The following WNK2 variants were observed in gnomAD, a reference collection of about 807,000 sequenced individuals.
WNK2 encodes serine/threonine-protein kinase WNK2.
WNK2 carries 67 observed loss-of-function variants against 192.1 expected under a neutral mutation model. The ratio of observed to expected loss-of-function variants is 0.35; its 90% CI spans 0.29 to 0.43. The LOEUF (loss-of-function observed/expected upper bound fraction) is 0.43. WNK2 is among the 20% of genes least tolerant of loss of function. The pLI is 1.00. For synonymous variants in WNK2, 1,439 were observed against 1,393.9 expected (o/e 1.03, Z -0.72); for missense variants, 2,698 against 3,089.7 (o/e 0.87, Z 3.01).
chr9:93,279,182 T>C (rs1847368107), intron 19 of WNK2, among the ~76,000 whole-genome samples: 1 of 152,180 alleles, frequency 6.6e-6, no homozygotes, highest in Non-Finnish European at 1.5e-5. Context: ...ACTGAACCCA[T>C]CTTTATTTGC....
chr9:93,309,171 TTTAG>T (rs761235826), intron 28 of WNK2: 10 of 973,250 alleles, frequency 1.0e-5, no homozygotes, highest in Non-Finnish European at 1.2e-5. Flanking sequence ...ATCTCAAATA[TTTAG>T]TAAAGGTCAT....
chr9:93,207,684 ACTGT>A (rs982935959), intron 2 of WNK2, among the ~76,000 whole-genome samples: 1 of 152,252 alleles, frequency 6.6e-6, no homozygotes, highest in Non-Finnish European at 1.5e-5. Flanking sequence ...AAATAGCCTC[ACTGT>A]CAGTGCTCTG....
At chr9:93,238,761 A>G (rs1269789955) in intron 6 of WNK2, among the ~76,000 whole-genome samples, 1 of 152,138 alleles carries the variant, frequency 6.6e-6, no homozygotes, top group Non-Finnish European at 1.5e-5. Context: ...CCTGACGTGT[A>G]TTTCATGGAC....
At chr9:93,305,679 C>T (rs1291266512) in intron 26 of WNK2, among the ~76,000 whole-genome samples, 1 of 152,230 alleles carries the variant, frequency 6.6e-6, no homozygotes, top group African/African-American at 2.4e-5. Context: ...CCCGCTGTCC[C>T]CCGAGGCAGG....
intron 2 of WNK2, among the ~76,000 whole-genome samples, chr9:93,213,159 T>C (rs1374237589): frequency 1.3e-5 from 2 of 152,148 alleles, no homozygotes; most frequent in African/African-American, 4.8e-5. Flanking sequence ...CAGAGTAGAT[T>C]GGAGCAACAA....
chr9:93,211,143 CACTTATTCA>C (rs1563996414), intron 2 of WNK2, among the ~76,000 whole-genome samples: 2 of 151,754 alleles, frequency 1.3e-5, no homozygotes, highest in African/African-American at 4.9e-5. Flanking sequence ...CTCATCCACT[CACTTATTCA>C]CTCACAGATT....
intron 8 of WNK2, among the ~76,000 whole-genome samples, chr9:93,252,035 A>G (rs993314041): frequency 7.2e-5 from 11 of 152,214 alleles, no homozygotes; most frequent in African/African-American, 2.7e-4. Flanking sequence ...CCTCGCGAAA[A>G]TAGTGTGGCG....
intron 20 of WNK2, 93 bp from the exon 21 acceptor site, chr9:93,289,885 C>A: frequency 7.6e-7 from 1 of 1,309,854 alleles, no homozygotes; most frequent in Non-Finnish European, 1.1e-6. Context: ...CCAGGGGCAG[C>A]TTGAGATGAG....
chr9:93,295,017 T>C (rs908280183), intron 23 of WNK2, among the ~76,000 whole-genome samples: 3 of 152,190 alleles, frequency 2.0e-5, no homozygotes, highest in Non-Finnish European at 2.9e-5. Flanking sequence ...CCGAGGTGCC[T>C]GTGCCTCATT....
At chr9:93,309,555 G>A (rs1206845477) in intron 28 of WNK2, among the ~76,000 whole-genome samples, 1 of 152,158 alleles carries the variant, frequency 6.6e-6, no homozygotes, top group Non-Finnish European at 1.5e-5. Flanking sequence ...AGGATTTACA[G>A]TGATGTCCTG....
At chr9:93,268,526 T>G in intron 18 of WNK2, 101 bp from the exon 19 acceptor site, 1 of 1,527,130 alleles carries the variant, frequency 6.5e-7, no homozygotes, top group Non-Finnish European at 8.9e-7. Context: ...GTAAAGGAGT[T>G]CACAGACCCA....
At chr9:93,213,733 A>G (rs976100135) in intron 2 of WNK2, among the ~76,000 whole-genome samples, 6 of 151,956 alleles carry the variant, frequency 3.9e-5, no homozygotes, top group East Asian at 1.9e-4. Context: ...AGGTTGCAGT[A>G]AGCCGAGATC....
chr9:93,296,413 C>T (rs139294805), intron 23 of WNK2, among the ~76,000 whole-genome samples: 2 of 14,692 alleles, frequency 1.4e-4, no homozygotes, highest in Non-Finnish European at 1.5e-4. Flanking sequence ...ACCTTCCTCC[C>T]CCTCCATCCT....
intron 19 of WNK2, among the ~76,000 whole-genome samples, chr9:93,276,640 C>G (rs565441201): frequency 6.6e-5 from 10 of 152,292 alleles, no homozygotes; most frequent in African/African-American, 2.4e-4. Context: ...AAAAGACAAG[C>G]TACAGACTGG....
chr9:93,306,415 G>A (rs1032105623), intron 26 of WNK2, among the ~76,000 whole-genome samples: 1 of 152,212 alleles, frequency 6.6e-6, no homozygotes, highest in African/African-American at 2.4e-5. Context: ...CTCCATCAGT[G>A]GGGCTCCCAG....
chr9:93,226,456 T>G (rs780164901), intron 2 of WNK2, among the ~76,000 whole-genome samples: 3 of 152,230 alleles, frequency 2.0e-5, no homozygotes, highest in Non-Finnish European at 2.9e-5. Context: ...TTTTTCCTTT[T>G]TTTTTGTTTT....
chr9:93,314,837 G>A (rs902496890), intron 28 of WNK2, among the ~76,000 whole-genome samples: 1 of 152,142 alleles, frequency 6.6e-6, no homozygotes, highest in African/African-American at 2.4e-5. Context: ...TTGGTGAGAG[G>A]AACGAGCAGG....
At chr9:93,214,326 C>G (rs144865361) in intron 2 of WNK2, among the ~76,000 whole-genome samples, 1 of 151,866 alleles carries the variant, frequency 6.6e-6, no homozygotes, top group South Asian at 2.1e-4. Context: ...TATTTTGAGA[C>G]GGAGTCTTGC....
chr9:93,268,782 G>A (rs2133228293), intron 19 of WNK2, 36 bp downstream of exon 19: 1 of 1,598,076 alleles, frequency 6.3e-7, no homozygotes, highest in South Asian at 1.1e-5. Flanking sequence ...GCCCCTCCCT[G>A]TTTCATGTAC....
Sources: allele counts gnomAD v4.1 joint callset (sites outside exome capture counted in the v4.1 genomes callset), GRCh38; gene constraint gnomAD v4.1.1; transcripts MANE v1.5; gene names NCBI Gene and HGNC (gene_info 2026-07-23, HGNC 2026-07-21).